The following CAMSAP1 variants were observed in gnomAD, a reference collection of about 807,000 sequenced individuals.
The protein encoded by CAMSAP1 is calmodulin-regulated spectrin-associated protein 1.
A neutral mutation model predicts 143.5 loss-of-function variants in CAMSAP1; 58 were observed. The observed-to-expected ratio is 0.40, with a 90% confidence interval of 0.33 to 0.50. The LOEUF (loss-of-function observed/expected upper bound fraction) is 0.50, where lower values mean the gene tolerates loss of function less well. Ranked by LOEUF, CAMSAP1 falls within the 20% of genes least tolerant of loss-of-function variation. The pLI, the probability that CAMSAP1 is intolerant of heterozygous loss-of-function variation, is 0.45. For missense variants in CAMSAP1, 1,969 were observed against 2,115.7 expected (o/e 0.93, Z 1.36); for synonymous variants, 945 against 859.3 (o/e 1.10, Z -1.74).
chr9:135,811,242 T>C lies in CAMSAP1; in HGVS notation c.*67A>G. On this transcript the variant is annotated 3_prime_UTR_variant, in exon 17 of 17. Coordinates refer to ENST00000389532, the MANE Select transcript of CAMSAP1 (RefSeq NM_015447.4). The surrounding 1 kb of genome is among the most constrained non-coding windows in gnomAD (Gnocchi z 4.9). Reference sequence around the variant, plus strand: ...TAAATAAGGACCCCGTGGCACCCTCTGGATGCCAGCCACAAGGGCATCATT... The same window carrying C: ...TAAATAAGGACCCCGTGGCACCCTCCGGATGCCAGCCACAAGGGCATCATT... The C allele has an allele frequency of 1.3e-6, 2 of 1,519,626 alleles. No individual in the cohort carries two copies. The highest frequency in any genetic ancestry group is 2.3e-5 in the East Asian group (1 of 42,718). 94.1% of individuals were successfully genotyped at this position (1,519,626 alleles called of 1,614,324 possible). A position where few individuals can be genotyped will look rare whatever the true frequency, so the allele number is the denominator to read the frequency against.
chr9:135,848,970 G>A (rs968773046), intron 7 of CAMSAP1, among the ~76,000 whole-genome samples: 2 of 152,332 alleles, frequency 1.3e-5, no homozygotes, highest in East Asian at 1.9e-4. Context: ...GGTGAAAGGT[G>A]CACTCTCAGA....
At chr9:135,854,417 T>C (rs1477702949) in intron 5 of CAMSAP1, among the ~76,000 whole-genome samples, 1 of 152,246 alleles carries the variant, frequency 6.6e-6, no homozygotes, top group African/African-American at 2.4e-5. Flanking sequence ...ACATATTCTC[T>C]AGAACTTTGG....
intron 16 of CAMSAP1, among the ~76,000 whole-genome samples, chr9:135,814,787 C>T (rs1835171418): frequency 6.6e-6 from 1 of 152,190 alleles, no homozygotes; most frequent in Non-Finnish European, 1.5e-5. Flanking sequence ...TCTCCTCTGC[C>T]CACACCTGCA....
At position 135,826,193 on chromosome 9, in the gene CAMSAP1, A is replaced by AGCTTCTTGTGC. The variant is rs60377963; in HGVS notation, c.1223+1213_1223+1214insGCACAAGAAGC. 20,843 of 146,190 alleles carry AGCTTCTTGTGC rather than the reference A, an allele frequency of 0.14. 1,715 individuals are homozygous for AGCTTCTTGTGC. Among genetic ancestry groups the AGCTTCTTGTGC allele is most frequent in the African/African-American group, 0.22 (8,950 of 40,138 alleles). 9.1% of individuals were successfully genotyped at this position (146,190 alleles called of 1,614,324 possible). A position where few individuals can be genotyped will look rare whatever the true frequency, so the allele number is the denominator to read the frequency against. On this transcript the variant is annotated intron_variant, in intron 8 of 16. Transcript: ENST00000389532. The surrounding 1 kb of genome is among the most constrained non-coding windows in gnomAD (Gnocchi z 4.4). ...ACAGAGCAGCGTGTACACGGGCACC[A>AGCTTCTTGTGC]GCACACACACACACACACACACGGC...
At chr9:135,855,982 G>A (rs911106132) in intron 5 of CAMSAP1, among the ~76,000 whole-genome samples, 4 of 152,068 alleles carry the variant, frequency 2.6e-5, no homozygotes, top group Non-Finnish European at 4.4e-5. Flanking sequence ...AACCTGGGAG[G>A]TGGAGCTTGC....
intron 3 of CAMSAP1, among the ~76,000 whole-genome samples, chr9:135,880,967 T>C (rs1468700683): frequency 6.6e-6 from 1 of 152,196 alleles, no homozygotes; most frequent in Non-Finnish European, 1.5e-5. Flanking sequence ...GCCATTTTTT[T>C]TCCTTAATAA....
At chr9:135,862,206 C>T (rs1564446058) in intron 5 of CAMSAP1, among the ~76,000 whole-genome samples, 2 of 145,016 alleles carry the variant, frequency 1.4e-5, no homozygotes, top group Non-Finnish European at 3.0e-5. Context: ...CTCACCTTAG[C>T]CTCCCGAGTG....
In CAMSAP1 at chr9:135,810,890, T is replaced by C. The variant is rs975023549; in HGVS notation, c.*419A>G. On this transcript the variant is annotated 3_prime_UTR_variant, in exon 17 of 17. Transcript: ENST00000389532. ...AGATTACAGCTGGCCAATATGAGGG[T>C]GTCAGGCAATGTGCAAGGGGGCGAG... 2.1e-5 allele frequency: 4 copies of C among 194,888 alleles called. No individual in the cohort carries two copies. Among genetic ancestry groups the C allele is most frequent in the African/African-American group, 7.0e-5 (3 of 42,804 alleles). 12.1% of individuals were successfully genotyped at this position (194,888 alleles called of 1,614,324 possible). A position where few individuals can be genotyped will look rare whatever the true frequency, so the allele number is the denominator to read the frequency against.
chr9:135,893,208 G>A (rs1323496807), intron 1 of CAMSAP1, among the ~76,000 whole-genome samples: 1 of 150,664 alleles, frequency 6.6e-6, no homozygotes. Flanking sequence ...AAGGAGAGAG[G>A]AGGACAGTGA....
intron 3 of CAMSAP1, among the ~76,000 whole-genome samples, chr9:135,870,708 T>C (rs1415738196): frequency 6.6e-6 from 1 of 152,092 alleles, no homozygotes; most frequent in Non-Finnish European, 1.5e-5. Flanking sequence ...GGCAGAAGAA[T>C]CCCTTAAACC....
intron 16 of CAMSAP1, among the ~76,000 whole-genome samples, chr9:135,813,041 C>T (rs1835106928): frequency 1.3e-5 from 2 of 152,064 alleles, no homozygotes; most frequent in African/African-American, 2.4e-5. Context: ...AAGTTTAAAA[C>T]GTATCTTCAA....
chr9:135,851,597 G>C (rs1399145041), intron 5 of CAMSAP1, among the ~76,000 whole-genome samples: 1 of 152,162 alleles, frequency 6.6e-6, no homozygotes, highest in African/African-American at 2.4e-5. Flanking sequence ...CACTCCTCCT[G>C]AGTATTCTAC....
intron 7 of CAMSAP1, among the ~76,000 whole-genome samples, chr9:135,843,632 G>A (rs1448968471): frequency 4.6e-5 from 7 of 152,088 alleles, no homozygotes; most frequent in Non-Finnish European, 1.0e-4. Context: ...AGCACTCTGG[G>A]AGGCCGAGAC....
intron 3 of CAMSAP1, among the ~76,000 whole-genome samples, chr9:135,874,162 T>C (rs946557693): frequency 2.0e-5 from 3 of 151,938 alleles, no homozygotes; most frequent in Non-Finnish European, 4.4e-5. Flanking sequence ...TCTGACAAAA[T>C]TCAATATGTA....
intron 5 of CAMSAP1, among the ~76,000 whole-genome samples, chr9:135,859,170 G>C (rs1837082549): frequency 6.6e-6 from 1 of 152,174 alleles, no homozygotes; most frequent in South Asian, 2.1e-4. Flanking sequence ...TGATTCTTTG[G>C]GATCTGCTGC....
intron 7 of CAMSAP1, among the ~76,000 whole-genome samples, chr9:135,830,692 G>A (rs183969061): frequency 1.1e-4 from 16 of 152,216 alleles, no homozygotes; most frequent in Admixed American, 5.9e-4. Context: ...CAGACTAAAT[G>A]ACCTCACAGA....
chr9:135,866,020 G>A (rs1837367603), intron 4 of CAMSAP1, among the ~76,000 whole-genome samples: 1 of 152,224 alleles, frequency 6.6e-6, no homozygotes, highest in African/African-American at 2.4e-5. Context: ...CAGTAGGCAC[G>A]TAGGGTTCAT....
In CAMSAP1 at chr9:135,818,995, C is replaced by G. The variant is rs375787805; in HGVS notation, c.3959+15G>C. 83 of 1,603,222 alleles carry G rather than the reference C, an allele frequency of 5.2e-5. No individual in the cohort carries two copies. In the African/African-American group the frequency reaches 9.6e-4, roughly 19 times the overall value. On this transcript the variant is annotated intron_variant, in intron 12 of 16. Transcript: ENST00000389532. This position sits in a 1 kb window ranked among gnomAD's most constrained non-coding sequence, Gnocchi z 7.7. ...CTCCTGCTCAGTCTGCTTTCCCCCC[C>G]GGCGGGACGCTTACCGGGCTTCGTC...
At chr9:135,858,117 C>T (rs1405995899) in intron 5 of CAMSAP1, among the ~76,000 whole-genome samples, 2 of 151,328 alleles carry the variant, frequency 1.3e-5, no homozygotes, top group Non-Finnish European at 1.5e-5. Flanking sequence ...AGCCTCTTTG[C>T]GTCCCCAGCT....
Sources: gnomAD v4.1 joint callset for allele counts (sites outside exome capture counted in the v4.1 genomes callset) on GRCh38, gnomAD v4.1.1 for gene constraint, Gnocchi (gnomAD v3.1) non-coding constraint, MANE v1.5 for transcripts, NCBI Gene and HGNC (gene_info 2026-07-23, HGNC 2026-07-21) for gene names.